OR2AG2: variants seen among roughly 807,000 people sequenced by gnomAD.
The protein encoded by OR2AG2 is olfactory receptor family 2 subfamily AG member 2, also known as olfactory receptor 2AG2.
For synonymous variants in OR2AG2, 167 were observed against 157.1 expected (o/e 1.06, Z -0.47); for missense variants, 390 against 391.9 (o/e 1.00, Z 0.04).
In OR2AG2 at chr11:6,767,046, T is replaced by C. The variant is rs1564897875; in HGVS notation, c.*961A>G. On this transcript the variant is annotated 3_prime_UTR_variant, in exon 2 of 2. Transcript: ENST00000641124. ...TCAAAATTTCCAAGTAGAAATATCTTTCTTTATCCTTTTCCATTCTTTCTT... is the reference window on the plus strand; with the variant it reads ...TCAAAATTTCCAAGTAGAAATATCTCTCTTTATCCTTTTCCATTCTTTCTT... The C allele has an allele frequency of 6.6e-6, 1 of 152,104 alleles. No homozygotes were observed. The allele number at this position is 152,104 out of a possible 1,614,324, so 9.4% of individuals were successfully genotyped here. A position where few individuals can be genotyped will look rare whatever the true frequency, so the allele number is the denominator to read the frequency against.
At position 6,768,915 on chromosome 11, in the gene OR2AG2, C is replaced by A. The variant is rs141761295; in HGVS notation, c.43G>T (p.Val15Leu). 12 of 1,612,666 alleles carry A rather than the reference C, an allele frequency of 7.4e-6. No homozygotes were observed. Among genetic ancestry groups the A allele is most frequent in the Non-Finnish European group, 1.0e-5 (12 of 1,178,902 alleles). ...NSTLGSGFIL[V>L]GILNDSGSPE... ...GACCCACTGTCATTCAGAATCCCCA[C>A]CAAGATGAAGCCGCTTCCCAAGGTG... Residue 15 changes from valine to leucine, a missense_variant, in exon 2 of 2, where the codon GTG becomes TTG. Coordinates refer to ENST00000641124, the MANE Select transcript of OR2AG2 (RefSeq NM_001004490.2).
Position 6,768,150 on chromosome 11 carries a change from G to A in OR2AG2, c.808C>T (p.Gln270Ter). 2 of 1,614,186 alleles carry A rather than the reference G, an allele frequency of 1.2e-6. No homozygotes were observed. Among genetic ancestry groups the A allele is most frequent in the Non-Finnish European group, 1.7e-6 (2 of 1,180,026 alleles). Residue 270 changes from glutamine (Q) to a stop codon, truncating the protein, a stop_gained, in exon 2 of 2, where the codon CAA (glutamine) becomes TAA (stop). Coordinates refer to ENST00000641124, the MANE Select transcript of OR2AG2 (RefSeq NM_001004490.2). LOFTEE classifies it low-confidence loss of function (END_TRUNC). ...TAGAAAACAGAGATGATGTTGTCTT[G>A]TTTGGGGCTGTGGAAGGAACTGGGC... ...VLPSSFHSPK[Q>*]DNIISVFYTI... is the part of the protein sequence containing the mutation.
rs769020302 is a variant in OR2AG2 at position 6,768,006 on chromosome 11, C to T, written c.*1G>A. 1 of 1,606,254 alleles carries T rather than the reference C, an allele frequency of 6.2e-7. No homozygotes were observed. Among genetic ancestry groups the T allele is most frequent in the Non-Finnish European group, 8.5e-7 (1 of 1,175,528 alleles). On this transcript the variant is annotated 3_prime_UTR_variant, in exon 2 of 2. Coordinates refer to ENST00000641124, the MANE Select transcript of OR2AG2 (RefSeq NM_001004490.2). ...GGTGAGAGGCAAGCCATGATCCTTC[C>T]CTAGAGCGTGGAATGTGCCAGCAGT...
At chr11:6,771,087 T>C (rs919230812) in intron 1 of OR2AG2, among the ~76,000 whole-genome samples, 4 of 152,246 alleles carry the variant, frequency 2.6e-5, no homozygotes, top group Non-Finnish European at 4.4e-5. Context: ...GGCATTGCTA[T>C]AGTTTATGGA....
intron 1 of OR2AG2, among the ~76,000 whole-genome samples, chr11:6,771,106 A>G (rs1847442651): frequency 6.6e-6 from 1 of 152,256 alleles, no homozygotes; most frequent in African/African-American, 2.4e-5. Context: ...GAAAATGGTC[A>G]GTCAATTAAC....
At chr11:6,769,712 C>T (rs1031366115) in intron 1 of OR2AG2, among the ~76,000 whole-genome samples, 1 of 152,120 alleles carries the variant, frequency 6.6e-6, no homozygotes, top group African/African-American at 2.4e-5. Context: ...AAGGAGGAGA[C>T]ATTGTAGAAA....
Position 6,767,279 on chromosome 11 carries a change from T to C in OR2AG2, c.*728A>G, listed in dbSNP as rs907620182. On this transcript the variant is annotated 3_prime_UTR_variant, in exon 2 of 2. Transcript: ENST00000641124. Reference sequence around the variant, plus strand: ...TTAGTAGAGACCCGGGTTCCACACGTTGGCCAGGCTGGTCTTGAACTCCTT... The same window carrying C: ...TTAGTAGAGACCCGGGTTCCACACGCTGGCCAGGCTGGTCTTGAACTCCTT... 1 of 152,146 alleles carries C rather than the reference T, an allele frequency of 6.6e-6. No homozygotes were observed. The highest frequency in any genetic ancestry group is 2.1e-4 in the South Asian group (1 of 4,824). 9.4% of individuals were successfully genotyped at this position (152,146 alleles called of 1,614,324 possible).
At position 6,768,942 on chromosome 11, in the gene OR2AG2, A is replaced by C. The variant is rs1847415462; in HGVS notation, c.16T>G (p.Ser6Ala). 1.2e-6 allele frequency: 2 copies of C among 1,609,910 alleles called. No individual in the cohort carries two copies. Among genetic ancestry groups the C allele is most frequent in the Admixed American group, 1.7e-5 (1 of 59,908 alleles). MELRNSTLGSGFILVG... is the reference protein window; with the variant it reads MELRNATLGSGFILVG... ...AAGATGAAGCCGCTTCCCAAGGTGG[A>C]GTTCCGGAGCTCCATGATGTGTTTT... The change falls in exon 2 of 2, where the codon TCC becomes GCC. Residue 6 changes from serine to alanine, a missense_variant. Coordinates refer to ENST00000641124, the MANE Select transcript of OR2AG2 (RefSeq NM_001004490.2).
intron 1 of OR2AG2, among the ~76,000 whole-genome samples, 180 bp from the exon 2 acceptor site, chr11:6,769,674 G>C (rs1847428736): frequency 6.6e-6 from 1 of 152,206 alleles, no homozygotes; most frequent in Non-Finnish European, 1.5e-5. Context: ...TTTGTGTTTA[G>C]GGCACATGAT....
rs1847393703 is a variant in OR2AG2 at position 6,767,984 on chromosome 11, G to A, written c.*23C>T. The A allele has an allele frequency of 1.3e-6, 2 of 1,565,090 alleles. No individual in the cohort carries two copies. Among genetic ancestry groups the A allele is most frequent in the South Asian group, 2.4e-5 (2 of 83,952 alleles). Reference sequence around the variant, plus strand: ...GAATTTTATCTGGAGGAGGAATGGTGAGAGGCAAGCCATGATCCTTCCCTA... The same window carrying A: ...GAATTTTATCTGGAGGAGGAATGGTAAGAGGCAAGCCATGATCCTTCCCTA... On this transcript the variant is annotated 3_prime_UTR_variant, in exon 2 of 2. Transcript: ENST00000641124.
chr11:6,769,079 A>T lies in OR2AG2; in HGVS notation c.-122T>A, dbSNP rs542939565. ...CATTGGCCAATAGGAATCCCATAATATGATATATTTTCCATTTCTTAGTAT... is the reference window on the plus strand; with the variant it reads ...CATTGGCCAATAGGAATCCCATAATTTGATATATTTTCCATTTCTTAGTAT... On this transcript the variant is annotated 5_prime_UTR_variant, in exon 2 of 2. Transcript: ENST00000641124. The T allele has an allele frequency of 1.6e-6, 1 of 628,918 alleles. No individual in the cohort carries two copies. Among genetic ancestry groups the T allele is most frequent in the East Asian group, 2.8e-5 (1 of 36,156 alleles). The allele number at this position is 628,918 out of a possible 1,614,324, so 39.0% of individuals were successfully genotyped here. A position where few individuals can be genotyped will look rare whatever the true frequency, so the allele number is the denominator to read the frequency against.
In OR2AG2 at chr11:6,768,420, C is replaced by G. The variant is rs776918260; in HGVS notation, c.538G>C (p.Glu180Gln). The G allele has an allele frequency of 3.7e-6, 6 of 1,614,044 alleles. No homozygotes were observed. Among genetic ancestry groups the G allele is most frequent in the Non-Finnish European group, 5.1e-6 (6 of 1,180,036 alleles). ...GCCAACTTCAGCAAGGGTGGGATCT[C>G]ACAGAGCAGATGCCTGATTTCCCAG... is the stretch of plus-strand genomic sequence containing the variant. ...VSWEIRHLLC[E>Q]IPPLLKLACA... The change falls in exon 2 of 2, where the codon GAG becomes CAG. Residue 180 changes from glutamate (E) to glutamine (Q), a missense_variant. Transcript: ENST00000641124.
intron 1 of OR2AG2, among the ~76,000 whole-genome samples, chr11:6,769,986 A>C (rs1847432440): frequency 6.6e-6 from 1 of 152,140 alleles, no homozygotes; most frequent in South Asian, 2.1e-4. Context: ...GGAAGAGACA[A>C]ATAATTCTTG....
rs1207835305 is a variant in OR2AG2, at chr11:6,770,013, T to C, written c.-537-519A>G. On this transcript the variant is annotated intron_variant, in intron 1 of 1. Transcript: ENST00000641124. ...TAATTCTTGATCAAATTATTCATCT[T>C]TCCCTTCCATAATCTGCACCTACTT... is the stretch of plus-strand genomic sequence containing the variant. 2.0e-5 allele frequency among the ~76,000 whole-genome samples: 3 copies of C among 152,170 alleles called. No individual in the cohort carries two copies. In the East Asian group the frequency reaches 5.8e-4, roughly 29 times the overall value.
chr11:6,768,261 C>T lies in OR2AG2; in HGVS notation c.697G>A (p.Gly233Arg), dbSNP rs143018775. The T allele has an allele frequency of 2.2e-3, 3,496 of 1,614,138 alleles. 10 individuals are homozygous for T. The highest frequency in any genetic ancestry group is 8.7e-3 in the Middle Eastern group (53 of 6,062). The change falls in exon 2 of 2, where the codon GGG (glycine) becomes AGG (arginine). Residue 233 changes from glycine (G) to arginine (R), a missense_variant. Transcript: ENST00000641124. ...FTVLRMPSNE[G>R]RKKALVTCSS... ...CAGGTGACAAGGGCTTTCTTCCTCC[C>T]CTCATTTGATGGCATACGAAGCACA...
chr11:6,768,243 C>A lies in OR2AG2; in HGVS notation c.715G>T (p.Val239Phe). The part of the protein sequence containing the change: ...PSNEGRKKAL[V>F]TCSSHLIVVG... ...ACAATCAGGTGGGAAGAGCAGGTGA[C>A]AAGGGCTTTCTTCCTCCCCTCATTT... The change falls in exon 2 of 2, where the codon GTC (valine) becomes TTC (phenylalanine). Residue 239 changes from valine to phenylalanine, a missense_variant. By Grantham distance (50) the Val-to-Phe change is conservative. Transcript: ENST00000641124. The A allele has an allele frequency of 1.2e-6, 2 of 1,614,154 alleles. No individual in the cohort carries two copies. Among genetic ancestry groups the A allele is most frequent in the South Asian group, 1.1e-5 (1 of 91,082 alleles).
Position 6,768,213 on chromosome 11 carries a change from C to G in OR2AG2, c.745G>C (p.Gly249Arg). 6.2e-7 allele frequency: 1 copy of G among 1,614,120 alleles called. No homozygotes were observed. The highest frequency in any genetic ancestry group is 8.5e-7 in the Non-Finnish European group (1 of 1,180,012). The change falls in exon 2 of 2, where the codon GGG becomes CGG. Residue 249 changes from glycine (G) to arginine (R), a missense_variant. Physicochemically the swap from Gly to Arg is moderately radical, Grantham distance 125. Coordinates refer to ENST00000641124, the MANE Select transcript of OR2AG2 (RefSeq NM_001004490.2). The stretch of plus-strand genomic sequence containing the variant: ...AATGTGGCAGCTCCATAGAACATCC[C>G]GACCACAATCAGGTGGGAAGAGCAG... Reference protein sequence around the residue: ...VTCSSHLIVVGMFYGAATFMY... With the variant: ...VTCSSHLIVVRMFYGAATFMY...
At chr11:6,770,501 G>C (rs1221296319) in intron 1 of OR2AG2, among the ~76,000 whole-genome samples, 5 of 151,960 alleles carry the variant, frequency 3.3e-5, no homozygotes, top group Admixed American at 3.3e-4. Context: ...GTCTGGACAA[G>C]AAACCCCCAG....
Position 6,768,000 on chromosome 11 carries a change from T to C in OR2AG2, c.*7A>G, listed in dbSNP as rs547370923. 6.3e-7 allele frequency: 1 copy of C among 1,596,120 alleles called. No homozygotes were observed. Among genetic ancestry groups the C allele is most frequent in the Non-Finnish European group, 8.6e-7 (1 of 1,168,696 alleles). ...AGGAATGGTGAGAGGCAAGCCATGA[T>C]CCTTCCCTAGAGCGTGGAATGTGCC... On this transcript the variant is annotated 3_prime_UTR_variant, in exon 2 of 2. Coordinates refer to ENST00000641124, the MANE Select transcript of OR2AG2 (RefSeq NM_001004490.2).
Sources: allele counts gnomAD v4.1 joint callset (sites outside exome capture counted in the v4.1 genomes callset), GRCh38; gene constraint gnomAD v4.1.1; transcripts MANE v1.5; gene names NCBI Gene and HGNC (gene_info 2026-07-23, HGNC 2026-07-21).